RIMS2: variants seen among roughly 807,000 people sequenced by gnomAD.
The protein encoded by RIMS2 is regulating synaptic membrane exocytosis 2.
RIMS2 carries 59 observed loss-of-function variants against 174.4 expected under a neutral mutation model. That is an observed-to-expected ratio of 0.34 (90% CI 0.27 to 0.42). The LOEUF is 0.42. Ranked by LOEUF, RIMS2 falls within the 10% of genes least tolerant of loss-of-function variation. The pLI is 1.00. For synonymous variants in RIMS2, 606 were observed against 572.5 expected (o/e 1.06, Z -0.84); for missense variants, 1,620 against 1,666.3 (o/e 0.97, Z 0.48).
chr8:103,916,563 G>T (rs1371305741), intron 8 of RIMS2, 26 bp downstream of exon 11: 13 of 1,573,638 alleles, frequency 8.3e-6, no homozygotes, highest in Non-Finnish European at 1.1e-5. Context: ...TATTTTATAT[G>T]TGTGTGAAGT....
intron 1 of RIMS2, among the ~76,000 whole-genome samples, chr8:103,528,804 A>G (rs1308998749): frequency 6.6e-6 from 1 of 152,082 alleles, no homozygotes; most frequent in Non-Finnish European, 1.5e-5. Flanking sequence ...GCCTTGTAGT[A>G]TAGTTTGAAG....
chr8:104,122,066 G>A (rs1240842915), intron 19 of RIMS2, among the ~76,000 whole-genome samples: 1 of 152,152 alleles, frequency 6.6e-6, no homozygotes, highest in Non-Finnish European at 1.5e-5. Context: ...GACTGAAAAA[G>A]AAGTGCAAAA....
Position 103,931,273 on chromosome 8 carries a change from G to A in RIMS2, c.2255G>A (p.Trp752Ter), listed in dbSNP as rs1415657060. ...ATTTTTGCTTTTCAGATAAAACTATGGTTTGACAAGGTTGGTCACCAATTA... is the reference window on the plus strand; with the variant it reads ...ATTTTTGCTTTTCAGATAAAACTATAGTTTGACAAGGTTGGTCACCAATTA... The change falls in exon 12 of 24, where the codon TGG becomes TAG. Residue 752 changes from tryptophan to a stop codon, truncating the protein, a stop_gained. Transcript: ENST00000504942. LOFTEE classifies it high-confidence loss of function. 6.3e-7 allele frequency: 1 copy of A among 1,595,566 alleles called. No individual in the cohort carries two copies. The highest frequency in any genetic ancestry group is 1.3e-5 in the African/African-American group (1 of 74,076).
intron 2 of RIMS2, among the ~76,000 whole-genome samples, chr8:103,744,167 T>C (rs2097785919): frequency 6.6e-6 from 1 of 152,180 alleles, no homozygotes; most frequent in Non-Finnish European, 1.5e-5. Flanking sequence ...TGCTTCAGCC[T>C]CCTGAGTAGC....
chr8:103,811,127 G>GT (rs2098684808), intron 3 of RIMS2, among the ~76,000 whole-genome samples: 2 of 152,250 alleles, frequency 1.3e-5, no homozygotes, highest in African/African-American at 4.8e-5. Context: ...GTTGGTGAAT[G>GT]TAACTATTGG....
At chr8:103,862,037 T>G (rs112713365) in intron 3 of RIMS2, among the ~76,000 whole-genome samples, 8 of 152,156 alleles carry the variant, frequency 5.3e-5, no homozygotes, top group African/African-American at 1.9e-4. Flanking sequence ...CTCGTAGTCA[T>G]AAATTCTTTG....
intron 19 of RIMS2, chr8:104,148,645 T>C (rs994637219): frequency 6.3e-7 from 1 of 1,598,176 alleles, no homozygotes; most frequent in African/African-American, 1.3e-5. Flanking sequence ...CAAATGGGCA[T>C]ATCAGGGAAG....
chr8:104,124,293 T>C (rs907495723), intron 19 of RIMS2, among the ~76,000 whole-genome samples: 14 of 152,100 alleles, frequency 9.2e-5, no homozygotes, highest in African/African-American at 3.4e-4. Flanking sequence ...TCCAGTATTA[T>C]CTATTATCTG....
chr8:103,785,526 A>G (rs568465426), intron 3 of RIMS2, among the ~76,000 whole-genome samples: 1 of 152,258 alleles, frequency 6.6e-6, no homozygotes, highest in African/African-American at 2.4e-5. Context: ...TATTGAGATA[A>G]TGATGTGGTT....
chr8:103,510,069 T>C (rs1167369836), intron 1 of RIMS2, among the ~76,000 whole-genome samples: 2 of 152,178 alleles, frequency 1.3e-5, no homozygotes, highest in Non-Finnish European at 2.9e-5. Context: ...GAATGCCCTT[T>C]AGCATTTTTT....
In RIMS2 at chr8:104,248,863, A is replaced by AC. The variant is rs761888080; in HGVS notation, c.3589+50_3589+51insC. The stretch of plus-strand genomic sequence containing the variant: ...CACTATTTTGTTTTAGATTGTTGAA[A>AC]ATGAAATTCTCTAAATTTCATAGAA... On this transcript the variant is annotated intron_variant, in intron 21 of 23. Coordinates refer to ENST00000504942, the Ensembl canonical transcript of RIMS2. 278 of 949,162 alleles carry AC rather than the reference A, an allele frequency of 2.9e-4. 1 individual carries two copies. Among genetic ancestry groups the AC allele is most frequent in the Middle Eastern group, 1.5e-3 (7 of 4,602 alleles). 58.8% of individuals were successfully genotyped at this position (949,162 alleles called of 1,614,324 possible). A position where few individuals can be genotyped will look rare whatever the true frequency, so the allele number is the denominator to read the frequency against.
At chr8:103,607,047 A>C (rs1371638969) in intron 1 of RIMS2, among the ~76,000 whole-genome samples, 1 of 151,178 alleles carries the variant, frequency 6.6e-6, no homozygotes, top group South Asian at 2.1e-4. Flanking sequence ...TGTCGTTATG[A>C]TGTTAGCTGG....
At chr8:103,650,675 CA>C (rs2096435528) in intron 1 of RIMS2, among the ~76,000 whole-genome samples, 1 of 152,236 alleles carries the variant, frequency 6.6e-6, no homozygotes, top group Non-Finnish European at 1.5e-5. Context: ...CTTAAAGAAG[CA>C]GTCTGGCCAT....
intron 2 of RIMS2, among the ~76,000 whole-genome samples, chr8:103,745,161 CT>C (rs2097796466): frequency 6.6e-6 from 1 of 152,204 alleles, no homozygotes; most frequent in Non-Finnish European, 1.5e-5. Flanking sequence ...CAAAAAACCC[CT>C]GTACCCATTA....
At chr8:103,839,256 AT>A (rs1220543856) in intron 3 of RIMS2, among the ~76,000 whole-genome samples, 3 of 152,026 alleles carry the variant, frequency 2.0e-5, no homozygotes, top group African/African-American at 7.2e-5. Context: ...TTATGGATTC[AT>A]TTTCTTGCTT....
At chr8:103,617,240 C>G (rs1333650218) in intron 1 of RIMS2, among the ~76,000 whole-genome samples, 2 of 152,004 alleles carry the variant, frequency 1.3e-5, no homozygotes, top group Non-Finnish European at 2.9e-5. Flanking sequence ...TGATCTTCAA[C>G]AAAACTGACA....
In RIMS2 at chr8:103,966,480, A is replaced by C. The variant is rs565503256; in HGVS notation, c.2770+5347A>C. 3.4e-4 allele frequency among the ~76,000 whole-genome samples: 51 copies of C among 151,812 alleles called. No individual in the cohort carries two copies. In the South Asian group the frequency reaches 0.01, roughly 31 times the overall value. On this transcript the variant is annotated intron_variant, in intron 15 of 23. Transcript: ENST00000504942. ...GATCTGTAGTGATGTCCTCTTTTTC[A>C]TTTCTGATATTAGTAATTTTTATAC...
intron 1 of RIMS2, among the ~76,000 whole-genome samples, chr8:103,533,601 G>T (rs1161186249): frequency 6.9e-6 from 1 of 144,236 alleles, no homozygotes; most frequent in African/African-American, 2.6e-5. Flanking sequence ...GGCAGAGGTT[G>T]CAGTGAGCTG....
intron 19 of RIMS2, among the ~76,000 whole-genome samples, chr8:104,074,322 T>C (rs940788529): frequency 2.6e-5 from 4 of 152,316 alleles, no homozygotes; most frequent in Non-Finnish European, 5.9e-5. Flanking sequence ...TCACAGCTTT[T>C]TTAATCTATT....
Sources: allele counts gnomAD v4.1 joint callset (sites outside exome capture counted in the v4.1 genomes callset), GRCh38; gene constraint gnomAD v4.1.1; transcripts MANE v1.5; gene names NCBI Gene and HGNC (gene_info 2026-07-23, HGNC 2026-07-21).